Variants in CADPS2 observed in about 807,000 individuals in gnomAD.
CADPS2 encodes calcium dependent secretion activator 2, also known as calcium-dependent secretion activator 2.
A neutral mutation model predicts 172.5 loss-of-function variants in CADPS2; 93 were observed. That is an observed-to-expected ratio of 0.54 (90% CI 0.46 to 0.64). The LOEUF (loss-of-function observed/expected upper bound fraction) is 0.64. CADPS2 is among the 30% of genes least tolerant of loss of function. The probability of loss-of-function intolerance (pLI) is 0.00; values close to 1 mark genes in which losing one functional copy is unlikely to be tolerated. For synonymous variants in CADPS2, 546 were observed against 555.2 expected (o/e 0.98, Z 0.23); for missense variants, 1,420 against 1,565.9 (o/e 0.91, Z 1.57).
rs141186109 is a variant in CADPS2 at position 122,431,550 on chromosome 7, G to A, written c.2476+6791C>T. ...AGTGCAAATTTAACTAGACAAGCTC[G>A]TCAAGGGCGGGGAGTGTAAGAAGAG... On this transcript the variant is annotated intron_variant, in intron 17 of 29. Transcript: ENST00000449022. Among the ~76,000 whole-genome samples the A allele has an allele frequency of 4.6e-3, 698 of 152,224 alleles. 7 individuals are homozygous for A. Among genetic ancestry groups the A allele is most frequent in the Middle Eastern group, 0.02 (6 of 294 alleles).
chr7:122,322,872 T>C (rs2032897843), intron 29 of CADPS2, among the ~76,000 whole-genome samples: 1 of 152,150 alleles, frequency 6.6e-6, no homozygotes, highest in Admixed American at 6.5e-5. Context: ...TGGCAATCCC[T>C]GTGAGTAGTA....
intron 6 of CADPS2, among the ~76,000 whole-genome samples, chr7:122,587,183 G>A (rs2069855133): frequency 6.6e-6 from 1 of 151,710 alleles, no homozygotes; most frequent in Admixed American, 6.6e-5. Flanking sequence ...GTATGCCACA[G>A]TGGTTTGCTG....
At chr7:122,645,302 T>C (rs115811225) in intron 3 of CADPS2, among the ~76,000 whole-genome samples, 19,125 of 127,266 alleles carry the variant, frequency 0.15, 1,851 homozygotes, top group East Asian at 0.22. Flanking sequence ...TATATACACA[T>C]ATGTACATGT....
intron 9 of CADPS2, among the ~76,000 whole-genome samples, chr7:122,503,556 T>C (rs992267207): frequency 7.2e-5 from 11 of 152,342 alleles, no homozygotes; most frequent in Middle Eastern, 3.4e-3. Flanking sequence ...TGCTCTTTCC[T>C]ATGTTGTCTT....
At chr7:122,698,783 A>G (rs1250228489) in intron 2 of CADPS2, 1 of 1,613,856 alleles carries the variant, frequency 6.2e-7, no homozygotes, top group Non-Finnish European at 8.5e-7. Context: ...CCAACATGAA[A>G]TGATATGTTC....
rs36154725 is a variant in CADPS2 at position 122,717,977 on chromosome 7, ATTTTTTTTTTTTTTTTT to A, written c.453+18961_453+18977del. On this transcript the variant is annotated intron_variant, in intron 2 of 29. Transcript: ENST00000449022. ...AGGTGCATTCCACCACACTCGGCTA[ATTTTTTTTTTTTTTTTT>A]TTTTTTTTTTTTTTTTGTAGAGACA... is the stretch of plus-strand genomic sequence containing the variant. Among the ~76,000 whole-genome samples the A allele has an allele frequency of 6.3e-3, 547 of 87,286 alleles. 4 individuals carry two copies. Among genetic ancestry groups the A allele is most frequent in the African/African-American group, 0.015 (347 of 23,650 alleles). The allele number at this position is 87,286 out of a possible 152,430, so 57.3% of individuals were successfully genotyped here. A position where few individuals can be genotyped will look rare whatever the true frequency, so the allele number is the denominator to read the frequency against.
chr7:122,511,529 G>C (rs1236396168), intron 9 of CADPS2, among the ~76,000 whole-genome samples: 3 of 152,034 alleles, frequency 2.0e-5, no homozygotes, highest in African/African-American at 7.2e-5. Context: ...ATAACATACT[G>C]AACATCTGTG....
chr7:122,857,775 C>T (rs1198109676), intron 1 of CADPS2, among the ~76,000 whole-genome samples: 1 of 152,002 alleles, frequency 6.6e-6, no homozygotes, highest in East Asian at 1.9e-4. Context: ...TTCGTGGTCT[C>T]GCTGACTTCA....
At chr7:122,366,095 G>GT (rs1339085593) in intron 25 of CADPS2, among the ~76,000 whole-genome samples, 5 of 149,080 alleles carry the variant, frequency 3.4e-5, no homozygotes, top group African/African-American at 9.8e-5. Context: ...TGGGATAGCT[G>GT]TTTTGTTTTT....
At chr7:122,865,945 TAAG>T (rs1818205637) in intron 1 of CADPS2, among the ~76,000 whole-genome samples, 2 of 152,326 alleles carry the variant, frequency 1.3e-5, no homozygotes, top group Admixed American at 6.5e-5. Flanking sequence ...GACTAAAGTC[TAAG>T]AAGAATGAAT....
chr7:122,645,343 A>G (rs1272745139), intron 3 of CADPS2, among the ~76,000 whole-genome samples: 4 of 106,396 alleles, frequency 3.8e-5, no homozygotes, highest in South Asian at 2.6e-4. Flanking sequence ...ACACACATGT[A>G]CATGTGTGTG....
At chr7:122,848,763 C>T (rs1315903801) in intron 1 of CADPS2, among the ~76,000 whole-genome samples, 1 of 152,130 alleles carries the variant, frequency 6.6e-6, no homozygotes, top group Admixed American at 6.5e-5. Context: ...ACGTCTCTGA[C>T]TTTTTCCCCA....
At chr7:122,634,878 T>A (rs532387557) in intron 3 of CADPS2, among the ~76,000 whole-genome samples, 2 of 152,150 alleles carry the variant, frequency 1.3e-5, no homozygotes, top group Non-Finnish European at 1.5e-5. Context: ...TTTAAGGAAG[T>A]TTTTGATTTC....
intron 15 of CADPS2, among the ~76,000 whole-genome samples, chr7:122,442,544 A>G (rs1014546752): frequency 2.0e-5 from 3 of 152,120 alleles, no homozygotes; most frequent in African/African-American, 7.2e-5. Flanking sequence ...TGGTGGACAT[A>G]TTTTCTCAGA....
intron 2 of CADPS2, among the ~76,000 whole-genome samples, chr7:122,692,675 C>T (rs947542481): frequency 1.3e-5 from 2 of 152,220 alleles, no homozygotes; most frequent in Non-Finnish European, 2.9e-5. Context: ...CTGTCAGGTT[C>T]ATGAGTACAC....
At chr7:122,859,617 T>G (rs994773669) in intron 1 of CADPS2, among the ~76,000 whole-genome samples, 1 of 152,060 alleles carries the variant, frequency 6.6e-6, no homozygotes, top group African/African-American at 2.4e-5. Context: ...GACTACACTA[T>G]TATAGTCATC....
At chr7:122,378,060 C>A (rs1042211186) in intron 25 of CADPS2, among the ~76,000 whole-genome samples, 1 of 152,122 alleles carries the variant, frequency 6.6e-6, no homozygotes, top group Non-Finnish European at 1.5e-5. Flanking sequence ...ATATTTTACA[C>A]TTTTAAATAT....
At chr7:122,880,424 ATTAT>A (rs1002890005) in intron 1 of CADPS2, among the ~76,000 whole-genome samples, 1 of 152,152 alleles carries the variant, frequency 6.6e-6, no homozygotes, top group African/African-American at 2.4e-5. Context: ...ACTCTAGAAT[ATTAT>A]TTGAGTGTTT....
At chr7:122,387,954 T>A (rs1038470811) in intron 23 of CADPS2, among the ~76,000 whole-genome samples, 8 of 152,094 alleles carry the variant, frequency 5.3e-5, no homozygotes, top group African/African-American at 1.9e-4. Context: ...GGCTCCATAT[T>A]GTCCTTGTAT....
Sources: gnomAD v4.1 joint callset for allele counts (sites outside exome capture counted in the v4.1 genomes callset) on GRCh38, gnomAD v4.1.1 for gene constraint, MANE v1.5 for transcripts, NCBI Gene and HGNC (gene_info 2026-07-23, HGNC 2026-07-21) for gene names.